The following CMSS1 variants were observed in gnomAD, a reference collection of about 807,000 sequenced individuals.
CMSS1 encodes protein CMSS1.
In CMSS1, 33 loss-of-function variants were observed where a neutral mutation model predicts 43.5. The ratio of observed to expected loss-of-function variants is 0.76; its 90% CI spans 0.57 to 1.01. The LOEUF (loss-of-function observed/expected upper bound fraction) is 1.01. Among genes scored for constraint, CMSS1 ranks in the 50% least tolerant of loss-of-function variants. CMSS1 has a pLI of 0.00. For missense variants in CMSS1, 313 were observed against 326.4 expected, an observed-to-expected ratio of 0.96 and a Z score of 0.32; for synonymous variants, 115 against 117.2, an observed-to-expected ratio of 0.98 and a Z score of 0.12.
chr3:99,827,273 C>A (rs1454503493), intron 1 of CMSS1, among the ~76,000 whole-genome samples: 1 of 152,118 alleles, frequency 6.6e-6, no homozygotes, highest in African/African-American at 2.4e-5. Flanking sequence ...CCTACTGCAC[C>A]CTCTGCCTCC....
At chr3:100,037,140 G>C (rs900573133) in intron 1 of CMSS1, among the ~76,000 whole-genome samples, 4 of 150,964 alleles carry the variant, frequency 2.6e-5, no homozygotes, top group Non-Finnish European at 5.9e-5. Flanking sequence ...ATAAAATGTG[G>C]GGATGAAACA....
intron 1 of CMSS1, among the ~76,000 whole-genome samples, chr3:99,916,437 TACACACACACACACACACACAC>T (rs10529210): frequency 1.2e-4 from 17 of 137,068 alleles, no homozygotes; most frequent in Admixed American, 5.9e-4. Context: ...TAACGGTTTA[TACACACACACACACACACACAC>T]ACACACACAC....
chr3:99,976,020 G>A (rs1321486074), intron 1 of CMSS1, among the ~76,000 whole-genome samples: 1 of 152,094 alleles, frequency 6.6e-6, no homozygotes, highest in East Asian at 1.9e-4. Context: ...AAGTAGCTGG[G>A]ACTACAGGCA....
intron 1 of CMSS1, among the ~76,000 whole-genome samples, chr3:100,071,213 A>G (rs908837640): frequency 6.6e-6 from 1 of 151,862 alleles, no homozygotes; most frequent in African/African-American, 2.4e-5. Context: ...GAGAAAAGAA[A>G]TTAGATTTTA....
At chr3:100,008,492 C>T (rs548755149) in intron 1 of CMSS1, among the ~76,000 whole-genome samples, 7 of 152,104 alleles carry the variant, frequency 4.6e-5, no homozygotes, top group African/African-American at 1.7e-4. Context: ...TCCAGGACTT[C>T]TAGAGATTAG....
chr3:100,073,172 T>C (rs1012333379), intron 1 of CMSS1, among the ~76,000 whole-genome samples: 4 of 152,184 alleles, frequency 2.6e-5, no homozygotes, highest in Non-Finnish European at 4.4e-5. Flanking sequence ...TCACAAATTA[T>C]AGCCTGTGGG....
rs80126820 is a variant in CMSS1, at chr3:100,152,203, CT to C, written c.153+5156del. ...GTTTTGTCCTCCAATTATCCTTCTT[CT>C]TTTTTTTTTTTTTCTATTAAAAGCA... On this transcript the variant is annotated intron_variant, in intron 2 of 9. Coordinates refer to ENST00000421999, the MANE Select transcript of CMSS1 (RefSeq NM_032359.4). 4.7e-3 allele frequency among the ~76,000 whole-genome samples: 668 copies of C among 143,332 alleles called. 7 individuals carry two copies. The highest frequency in any genetic ancestry group is 0.011 in the African/African-American group (423 of 39,360). 94.0% of individuals were successfully genotyped at this position (143,332 alleles called of 152,430 possible).
chr3:99,914,066 TTA>T (rs1422219062), intron 1 of CMSS1, among the ~76,000 whole-genome samples: 2 of 152,198 alleles, frequency 1.3e-5, no homozygotes, highest in African/African-American at 2.4e-5. Context: ...TGAATTTAAA[TTA>T]GAGAGGGAAT....
chr3:100,059,002 C>G (rs772872663), intron 1 of CMSS1, among the ~76,000 whole-genome samples: 2 of 152,190 alleles, frequency 1.3e-5, no homozygotes, highest in Admixed American at 6.5e-5. Context: ...CCATCTCTTC[C>G]AGTGTTTTTC....
At chr3:100,100,734 GAA>G in intron 1 of CMSS1, among the ~76,000 whole-genome samples, 1 of 152,314 alleles carries the variant, frequency 6.6e-6, no homozygotes, top group South Asian at 2.1e-4. Flanking sequence ...AAGATGATGA[GAA>G]ATAGCATCAC....
chr3:99,958,836 T>G (rs933962436), intron 1 of CMSS1, among the ~76,000 whole-genome samples: 1 of 152,246 alleles, frequency 6.6e-6, no homozygotes, highest in Middle Eastern at 3.4e-3. Context: ...GAACTGGAGA[T>G]AGCTGTACTA....
intron 1 of CMSS1, among the ~76,000 whole-genome samples, chr3:100,049,114 G>A (rs1261153776): frequency 1.3e-5 from 2 of 152,178 alleles, no homozygotes. Context: ...TCTGACAATT[G>A]CAAACAGTTC....
chr3:100,003,336 C>T (rs1005982397), intron 1 of CMSS1, among the ~76,000 whole-genome samples: 1 of 152,188 alleles, frequency 6.6e-6, no homozygotes, highest in Non-Finnish European at 1.5e-5. Context: ...TTACATAGCA[C>T]CTGCCATATG....
chr3:99,876,220 TC>T, intron 1 of CMSS1: 1 of 985,394 alleles, frequency 1.0e-6, no homozygotes. Context: ...ACGTCACTGT[TC>T]TGCCTTATAA....
chr3:100,003,796 T>TATTGAGATGCTAAAAGTCAA (rs1709910346), intron 1 of CMSS1, among the ~76,000 whole-genome samples: 1 of 152,212 alleles, frequency 6.6e-6, no homozygotes, highest in Admixed American at 6.5e-5. Flanking sequence ...GTATATTTAT[T>TATTGAGATGCTAAAAGTCAA]GAGCAATAAC....
intron 1 of CMSS1, chr3:99,848,854 G>C: frequency 6.2e-7 from 1 of 1,614,104 alleles, no homozygotes; most frequent in Non-Finnish European, 8.5e-7. Flanking sequence ...TTGCTTTGGC[G>C]TGCCACAGTT....
chr3:100,147,265 C>CTTTTTTTTTT (rs71132514), intron 2 of CMSS1, among the ~76,000 whole-genome samples: 7 of 86,830 alleles, frequency 8.1e-5, no homozygotes, highest in Admixed American at 2.7e-4. Flanking sequence ...AATTCTTTTT[C>CTTTTTTTTTT]TTTTTTTTTT....
intron 1 of CMSS1, among the ~76,000 whole-genome samples, chr3:100,104,112 T>G (rs1287021617): frequency 3.9e-5 from 6 of 152,306 alleles, no homozygotes; most frequent in South Asian, 4.1e-4. Context: ...CTGCTCTCTG[T>G]GTGTGTTTGG....
At position 99,817,934 on chromosome 3, in the gene CMSS1, G is replaced by C. The variant is rs761202305; in HGVS notation, c.-46G>C. 1.3e-6 allele frequency: 2 copies of C among 1,596,870 alleles called. No individual in the cohort carries two copies. The highest frequency in any genetic ancestry group is 2.2e-5 in the South Asian group (2 of 90,582). ...TGAGACAACGTGATTCTCCGCAGCT[G>C]GTCGCCTACCCGTGATGTTCTGCCC... On this transcript the variant is annotated 5_prime_UTR_variant, in exon 1 of 10. Coordinates refer to ENST00000421999, the MANE Select transcript of CMSS1 (RefSeq NM_032359.4).
Sources: allele counts gnomAD v4.1 joint callset (sites outside exome capture counted in the v4.1 genomes callset), GRCh38; gene constraint gnomAD v4.1.1; transcripts MANE v1.5; gene names NCBI Gene and HGNC (gene_info 2026-07-23, HGNC 2026-07-21).